CLEC16A: variants seen among roughly 807,000 people sequenced by gnomAD.
The protein encoded by CLEC16A is protein CLEC16A.
CLEC16A carries 51 observed loss-of-function variants against 109.5 expected under a neutral mutation model. The ratio of observed to expected loss-of-function variants is 0.47; its 90% CI spans 0.37 to 0.59. The LOEUF (loss-of-function observed/expected upper bound fraction) is 0.59. Ranked by LOEUF, CLEC16A falls within the 20% of genes least tolerant of loss-of-function variation. CLEC16A has a pLI of 0.00. For missense variants in CLEC16A, 1,339 were observed against 1,394.0 expected (o/e 0.96, Z 0.63); for synonymous variants, 673 against 564.2 (o/e 1.19, Z -2.73).
intron 3 of CLEC16A, among the ~76,000 whole-genome samples, chr16:10,966,696 G>A (rs1245048200): frequency 6.6e-6 from 1 of 152,202 alleles, no homozygotes; most frequent in Non-Finnish European, 1.5e-5. Flanking sequence ...ACAGCAAGGA[G>A]AAGAATGAGT....
At chr16:11,011,867 T>C (rs1346470206) in intron 11 of CLEC16A, among the ~76,000 whole-genome samples, 2 of 152,126 alleles carry the variant, frequency 1.3e-5, no homozygotes, top group African/African-American at 4.8e-5. Flanking sequence ...TAGATTTGTA[T>C]GTTTCTTCTT....
intron 10 of CLEC16A, among the ~76,000 whole-genome samples, chr16:10,995,816 C>G (rs1221239393): frequency 6.6e-6 from 1 of 152,190 alleles, no homozygotes; most frequent in Non-Finnish European, 1.5e-5. Flanking sequence ...CATGGCCTGT[C>G]TCCTTTCTTA....
intron 22 of CLEC16A, among the ~76,000 whole-genome samples, chr16:11,143,647 A>G (rs2053936384): frequency 6.6e-6 from 1 of 152,228 alleles, no homozygotes; most frequent in Non-Finnish European, 1.5e-5. Context: ...GATAGGGAAT[A>G]GCATGTGCAG....
chr16:10,979,262 T>C (rs1771446901), intron 8 of CLEC16A, 67 bp from the exon 9 acceptor site: 2 of 1,455,024 alleles, frequency 1.4e-6, no homozygotes, highest in Non-Finnish European at 1.9e-6. Flanking sequence ...CTTTTGGCTT[T>C]GTGTATTTTG....
At chr16:11,073,716 C>T (rs1597293982) in intron 19 of CLEC16A, among the ~76,000 whole-genome samples, 1 of 152,330 alleles carries the variant, frequency 6.6e-6, no homozygotes, top group East Asian at 1.9e-4. Flanking sequence ...CTCCTTCCTC[C>T]TGCTCCACGT....
At chr16:10,971,403 C>T (rs921266395) in intron 5 of CLEC16A, 173 bp downstream of exon 5, 2 of 418,024 alleles carry the variant, frequency 4.8e-6, no homozygotes, top group Non-Finnish European at 6.4e-6. Context: ...GCTGGCCGCT[C>T]ATGGAAATCC....
At position 11,039,817 on chromosome 16, in the gene CLEC16A, C is replaced by G. The variant is rs202140225; in HGVS notation, c.1601C>G (p.Thr534Ser). 7 of 1,611,788 alleles carry G rather than the reference C, an allele frequency of 4.3e-6. No individual in the cohort carries two copies. In the African/African-American group the frequency reaches 5.3e-5, roughly 12 times the overall value. ...GTGCCAAATGCGGCCGAGAAGACCA[C>G]CTACAACCACCCGCTAGCTGAAAGA... The part of the protein sequence containing the change: ...LPVPNAAEKT[T>S]YNHPLAERLI... The change falls in exon 14 of 24, where the codon ACC becomes AGC. Residue 534 changes from threonine (T) to serine (S), a missense_variant. This residue lies in a region of CLEC16A where 1,061 missense variants were observed against 1,006.8 expected (regional missense o/e 1.05). Transcript: ENST00000409790.
At chr16:10,947,405 C>A (rs2041444795) in intron 1 of CLEC16A, among the ~76,000 whole-genome samples, 1 of 152,146 alleles carries the variant, frequency 6.6e-6, no homozygotes, top group Non-Finnish European at 1.5e-5. Context: ...GTGATAAGTG[C>A]TGAGATCGCC....
At position 10,983,654 on chromosome 16, in the gene CLEC16A, C is replaced by G. The variant is rs552885147; in HGVS notation, c.1071+663C>G. Among the ~76,000 whole-genome samples, 16 of 152,272 alleles carry G rather than the reference C, an allele frequency of 1.1e-4. No homozygotes were observed. In the East Asian group the frequency reaches 2.9e-3, roughly 28 times the overall value. On this transcript the variant is annotated intron_variant, in intron 10 of 23. Transcript: ENST00000409790. ...CCTGATGGCCAGTGTTGTGACTTCTCTTGAAGCTTTTCCATCTTGTCCTCT... is the reference window on the plus strand; with the variant it reads ...CCTGATGGCCAGTGTTGTGACTTCTGTTGAAGCTTTTCCATCTTGTCCTCT...
chr16:11,178,496 A>G lies in CLEC16A; in HGVS notation c.2968A>G (p.Thr990Ala). Residue 990 changes from threonine to alanine, a missense_variant, in exon 24 of 24, where the codon ACC becomes GCC. Physicochemically the swap from Thr to Ala is moderately conservative, Grantham distance 58. Transcript: ENST00000409790. This position sits in a 1 kb window ranked among gnomAD's most constrained non-coding sequence, Gnocchi z 6.5. The stretch of plus-strand genomic sequence containing the variant: ...CAGCCTCGTCCCTGCCCGGCAGCCC[A>G]CCATTTCCCTGCTCTGCGAGGACAC... ...SPSLVPARQPTISLLCEDTAD... is the reference protein window; with the variant it reads ...SPSLVPARQPAISLLCEDTAD... 4.3e-6 allele frequency: 7 copies of G among 1,613,524 alleles called. No homozygotes were observed. The highest frequency in any genetic ancestry group is 5.1e-6 in the Non-Finnish European group (6 of 1,179,866).
intron 19 of CLEC16A, among the ~76,000 whole-genome samples, chr16:11,087,754 A>C (rs2050087343): frequency 6.6e-6 from 1 of 152,242 alleles, no homozygotes; most frequent in African/African-American, 2.4e-5. Context: ...ATCTGTTCCC[A>C]AGCTCATCGG....
At chr16:11,140,952 C>G (rs2053796808) in intron 22 of CLEC16A, among the ~76,000 whole-genome samples, 1 of 152,220 alleles carries the variant, frequency 6.6e-6, no homozygotes, top group African/African-American at 2.4e-5. Context: ...ACAGCAGGAG[C>G]TTAGCTGGGC....
chr16:10,998,321 C>T (rs2044452615), intron 10 of CLEC16A, among the ~76,000 whole-genome samples: 1 of 152,298 alleles, frequency 6.6e-6, no homozygotes, highest in African/African-American at 2.4e-5. Context: ...TATTCAGCTG[C>T]AGAGCTCAGG....
At chr16:11,062,171 C>A (rs552678692) in intron 19 of CLEC16A, among the ~76,000 whole-genome samples, 18 of 152,110 alleles carry the variant, frequency 1.2e-4, no homozygotes, top group African/African-American at 4.1e-4. Context: ...TCCTTTTGAA[C>A]CCCATCACCT....
chr16:11,093,532 G>T (rs941853446), intron 19 of CLEC16A, among the ~76,000 whole-genome samples: 1 of 152,178 alleles, frequency 6.6e-6, no homozygotes, highest in Non-Finnish European at 1.5e-5. Flanking sequence ...GGCAGTGACT[G>T]GTCACCTTTC....
Position 11,050,864 on chromosome 16 carries a change from G to A in CLEC16A, c.1867-649G>A, listed in dbSNP as rs114629221. On this transcript the variant is annotated intron_variant, in intron 17 of 23. Transcript: ENST00000409790. ...TATTATCCCAGGTAAGATGTGAAGG[G>A]GACAAGGAAGGAAGGGGAAACATTG... Among the ~76,000 whole-genome samples the A allele has an allele frequency of 1.4e-3, 216 of 152,342 alleles. 1 individual carries two copies. Among genetic ancestry groups the A allele is most frequent in the African/African-American group, 4.9e-3 (203 of 41,570 alleles).
At position 11,042,210 on chromosome 16, in the gene CLEC16A, G is replaced by A. The variant is rs372703260; in HGVS notation, c.1661-44G>A. On this transcript the variant is annotated intron_variant, in intron 14 of 23. Coordinates refer to ENST00000409790, the MANE Select transcript of CLEC16A (RefSeq NM_015226.3). ...AGGCAGCAGTCTTGGGTTTAAGGGCGCCCCACCCTGGGTGTGCAAGGCTTA... is the reference window on the plus strand; with the variant it reads ...AGGCAGCAGTCTTGGGTTTAAGGGCACCCCACCCTGGGTGTGCAAGGCTTA... 4.1e-5 allele frequency: 60 copies of A among 1,465,310 alleles called. No individual in the cohort carries two copies. The African/African-American group carries it at 6.9e-4, about 17-fold the overall frequency. The allele number at this position is 1,465,310 out of a possible 1,614,324, so 90.8% of individuals were successfully genotyped here. A position where few individuals can be genotyped will look rare whatever the true frequency, so the allele number is the denominator to read the frequency against.
chr16:11,101,445 T>C (rs567518093), intron 19 of CLEC16A, among the ~76,000 whole-genome samples: 1 of 152,336 alleles, frequency 6.6e-6, no homozygotes, highest in African/African-American at 2.4e-5. Context: ...GCCCCTTCCC[T>C]GCATGTCCTT....
At chr16:11,104,799 C>A (rs1219413026) in intron 19 of CLEC16A, among the ~76,000 whole-genome samples, 1 of 152,200 alleles carries the variant, frequency 6.6e-6, no homozygotes, top group Non-Finnish European at 1.5e-5. Flanking sequence ...CCTTCTTCAT[C>A]CCTGTAGCCC....
Sources: gnomAD v4.1 joint callset for allele counts (sites outside exome capture counted in the v4.1 genomes callset) on GRCh38, gnomAD v4.1.1 for gene constraint, gnomAD v4.1.1 regional missense constraint, Gnocchi (gnomAD v3.1) non-coding constraint, MANE v1.5 for transcripts, NCBI Gene and HGNC (gene_info 2026-07-23, HGNC 2026-07-21) for gene names.